Variants in SHC2 observed in about 807,000 individuals in gnomAD.
SHC2 encodes the protein SHC adaptor protein 2.
A neutral mutation model predicts 60.6 loss-of-function variants in SHC2; 62 were observed. The observed-to-expected ratio is 1.02, with a 90% CI of 0.83 to 1.26. The LOEUF is 1.26. SHC2 is among the 50% of genes most tolerant of loss of function. SHC2 has a pLI of 0.00. For synonymous variants in SHC2, 375 were observed against 372.4 expected, an observed-to-expected ratio of 1.01 and a Z score of -0.08; for missense variants, 873 against 822.2, an observed-to-expected ratio of 1.06 and a Z score of -0.76.
In SHC2 at chr19:419,124, G is replaced by A. The variant is rs954181023; in HGVS notation, c.1621-68C>T. The A allele has an allele frequency of 6.0e-5, 89 of 1,487,122 alleles. 1 individual carries two copies. The Admixed American group carries it at 8.3e-4, about 14-fold the overall frequency. The allele number at this position is 1,487,122 out of a possible 1,614,324, so 92.1% of individuals were successfully genotyped here. A position where few individuals can be genotyped will look rare whatever the true frequency, so the allele number is the denominator to read the frequency against. On this transcript the variant is annotated intron_variant, in intron 11 of 12. Transcript: ENST00000264554. ...TGGACCCGTGGAGTAGGATATTGGC[G>A]TTCTGGGGTCCTGCCGGGGAGCCCC...
intron 11 of SHC2, among the ~76,000 whole-genome samples, chr19:421,234 T>TA (rs1453526912): frequency 6.0e-5 from 9 of 150,854 alleles, no homozygotes; most frequent in East Asian, 2.0e-4. Context: ...CCATCTCCAC[T>TA]AAAAAAATAT....
In SHC2 at chr19:422,117, C is replaced by G. The variant is rs962922748; in HGVS notation, c.1620+29G>C. On this transcript the variant is annotated intron_variant, in intron 11 of 12. Coordinates refer to ENST00000264554, the MANE Select transcript of SHC2 (RefSeq NM_012435.3). This position sits in a 1 kb window ranked among gnomAD's most constrained non-coding sequence, Gnocchi z 5.0. ...TGCCCAGCGAAGCCCCTGGATGCCC[C>G]GAGACCCTCCCACCTGTGCACAGCT... 6.2e-6 allele frequency: 8 copies of G among 1,296,872 alleles called. No individual in the cohort carries two copies. Among genetic ancestry groups the G allele is most frequent in the Non-Finnish European group, 8.0e-6 (8 of 1,002,908 alleles). The allele number at this position is 1,296,872 out of a possible 1,614,324, so 80.3% of individuals were successfully genotyped here.
intron 1 of SHC2, among the ~76,000 whole-genome samples, chr19:458,625 G>C (rs1324524129): frequency 7.0e-6 from 1 of 142,396 alleles, no homozygotes; most frequent in Non-Finnish European, 1.6e-5. Context: ...GGCGGACGCG[G>C]GTTCCGGGGA....
chr19:426,973 G>C (rs1974431825), intron 9 of SHC2, among the ~76,000 whole-genome samples: 1 of 152,166 alleles, frequency 6.6e-6, no homozygotes, highest in South Asian at 2.1e-4. Flanking sequence ...ATCGGGAAGG[G>C]CATGAGTGCA....
At chr19:458,741 A>T (rs1465299305) in intron 1 of SHC2, among the ~76,000 whole-genome samples, 1 of 114,086 alleles carries the variant, frequency 8.8e-6, no homozygotes, top group Non-Finnish European at 1.8e-5. Flanking sequence ...GGTTCCGGGG[A>T]GGCGGAAGCG....
Position 460,675 on chromosome 19 carries a change from G to T in SHC2, c.322C>A (p.Arg108=). 9.5e-7 allele frequency: 1 copy of T among 1,054,314 alleles called. No individual in the cohort carries two copies. The highest frequency in any genetic ancestry group is 1.1e-6 in the Non-Finnish European group (1 of 879,868). 65.3% of individuals were successfully genotyped at this position (1,054,314 alleles called of 1,614,324 possible). ...RCRGAGSRGS[R]GGRGAAGSGD... ...GACCCCGCCGCCCCCCGCCCGCCCCGCGACCCCCGCGACCCCGCGCCCCGA... is the reference window on the plus strand; with the variant it reads ...GACCCCGCCGCCCCCCGCCCGCCCCTCGACCCCCGCGACCCCGCGCCCCGA... The change falls in exon 1 of 13, where the codon CGG becomes AGG. Residue 108 remains arginine, a synonymous_variant. Coordinates refer to ENST00000264554, the MANE Select transcript of SHC2 (RefSeq NM_012435.3).
At chr19:455,362 T>C (rs1253034437) in intron 1 of SHC2, among the ~76,000 whole-genome samples, 1 of 152,098 alleles carries the variant, frequency 6.6e-6, no homozygotes, top group Non-Finnish European at 1.5e-5. Context: ...GCCTCATCTA[T>C]AAAATGGGTG....
chr19:439,443 C>A (rs529842262), intron 2 of SHC2: 5 of 233,808 alleles, frequency 2.1e-5, no homozygotes, highest in Non-Finnish European at 4.2e-5. Context: ...CTGAGCCTGA[C>A]GCGGGGTCCG....
intron 9 of SHC2, among the ~76,000 whole-genome samples, chr19:429,719 G>A (rs1052281703): frequency 1.4e-5 from 2 of 145,320 alleles, no homozygotes; most frequent in African/African-American, 5.1e-5. Context: ...CTAACACCGT[G>A]TGGATGACGC....
chr19:444,241 C>G (rs147531386), intron 1 of SHC2, among the ~76,000 whole-genome samples: 115 of 152,142 alleles, frequency 7.6e-4, no homozygotes, highest in African/African-American at 2.6e-3. Context: ...CAGGTCATAC[C>G]TAAAGGAATT....
At position 441,484 on chromosome 19, in the gene SHC2, C is replaced by T. The variant is rs1210458802; in HGVS notation, c.469-552G>A. ...TACTGAGGGACGAGAGGGGCAGAGG[C>T]GTCCCACCGAGTCCCTGACCTGCTT... On this transcript the variant is annotated intron_variant, in intron 1 of 12. Coordinates refer to ENST00000264554, the MANE Select transcript of SHC2 (RefSeq NM_012435.3). The surrounding 1 kb of genome is among the most constrained non-coding windows in gnomAD (Gnocchi z 4.9). 1.3e-5 allele frequency among the ~76,000 whole-genome samples: 2 copies of T among 152,052 alleles called. No individual in the cohort carries two copies. The highest frequency in any genetic ancestry group is 2.9e-5 in the Non-Finnish European group (2 of 68,008).
In SHC2 at chr19:422,196, T is replaced by A. The variant is rs745585433; in HGVS notation, c.1570A>T (p.Met524Leu). Reference sequence around the variant, plus strand: ...AGGTGCTTGGGCTGCCCGGCGTGCATGCCGGTGAGGACATACTGCCCGGGG... The same window carrying A: ...AGGTGCTTGGGCTGCCCGGCGTGCAAGCCGGTGAGGACATACTGCCCGGGG... Reference protein sequence around the residue: ...TNPGQYVLTGMHAGQPKHLLL... With the variant: ...TNPGQYVLTGLHAGQPKHLLL... Residue 524 changes from methionine to leucine, a missense_variant, in exon 11 of 13, where the codon ATG becomes TTG. By Grantham distance (15) the Met-to-Leu change is conservative (BLOSUM62 2). Coordinates refer to ENST00000264554, the MANE Select transcript of SHC2 (RefSeq NM_012435.3). This position sits in a 1 kb window ranked among gnomAD's most constrained non-coding sequence, Gnocchi z 5.0. The A allele has an allele frequency of 1.2e-6, 2 of 1,612,552 alleles. No homozygotes were observed.
Position 425,163 on chromosome 19 carries a change from C to G in SHC2, c.1243G>C (p.Val415Leu). ...GPPDHEEHLY[V>L]NTQGLDAPEP... Reference sequence around the variant, plus strand: ...GGGGCGTCCAGACCCTGGGTGTTGACATACAGGTGCTCCTCGTGGTCCGGG... The same window carrying G: ...GGGGCGTCCAGACCCTGGGTGTTGAGATACAGGTGCTCCTCGTGGTCCGGG... Residue 415 changes from valine to leucine, a missense_variant, in exon 10 of 13, where the codon GTC (valine) becomes CTC (leucine). Val to Leu is a conservative substitution (Grantham distance 32, BLOSUM62 1). Coordinates refer to ENST00000264554, the MANE Select transcript of SHC2 (RefSeq NM_012435.3). The surrounding 1 kb of genome is among the most constrained non-coding windows in gnomAD (Gnocchi z 4.1). 7.3e-7 allele frequency: 1 copy of G among 1,365,906 alleles called. No individual in the cohort carries two copies. Among genetic ancestry groups the G allele is most frequent in the Non-Finnish European group, 9.5e-7 (1 of 1,050,756 alleles). The allele number at this position is 1,365,906 out of a possible 1,614,324, so 84.6% of individuals were successfully genotyped here.
rs1568294235 is a variant in SHC2 at position 445,037 on chromosome 19, A to C, written c.469-4105T>G. Among the ~76,000 whole-genome samples the C allele has an allele frequency of 6.6e-6, 1 of 152,136 alleles. No homozygotes were observed. Among genetic ancestry groups the C allele is most frequent in the African/African-American group, 2.4e-5 (1 of 41,434 alleles). On this transcript the variant is annotated intron_variant, in intron 1 of 12. Coordinates refer to ENST00000264554, the MANE Select transcript of SHC2 (RefSeq NM_012435.3). This position sits in a 1 kb window ranked among gnomAD's most constrained non-coding sequence, Gnocchi z 4.4. The stretch of plus-strand genomic sequence containing the variant: ...CCCTGCACGACGGGAAGAGGCGGGG[A>C]CCTCAGCTCACTGCATGTCCCACGC...
At chr19:458,735 C>T (rs567779214) in intron 1 of SHC2, among the ~76,000 whole-genome samples, 2 of 141,442 alleles carry the variant, frequency 1.4e-5, no homozygotes, top group Non-Finnish European at 3.1e-5. Context: ...GAAGTGGGTT[C>T]CGGGGAGGCG....
chr19:430,808 C>T, intron 8 of SHC2, 61 bp from the exon 9 acceptor site: 4 of 1,482,638 alleles, frequency 2.7e-6, no homozygotes, highest in Non-Finnish European at 3.7e-6. Context: ...TGGCTCTGGA[C>T]CCCCAGTCTC....
chr19:458,610 A>G (rs866060720), intron 1 of SHC2, among the ~76,000 whole-genome samples: 1,029 of 13,184 alleles, frequency 0.078, 45 homozygotes, highest in African/African-American at 0.18. Context: ...AGTGGGTTCC[A>G]GGGAGGCGGA....
At chr19:439,150 A>C in intron 2 of SHC2, 120 bp from the exon 3 acceptor site, 1 of 215,876 alleles carries the variant, frequency 4.6e-6, no homozygotes, top group East Asian at 1.3e-4. Flanking sequence ...GAGAAGGGCG[A>C]GAGAGAGGGG....
chr19:451,193 C>T (rs568821896), intron 1 of SHC2, among the ~76,000 whole-genome samples: 95 of 133,334 alleles, frequency 7.1e-4, no homozygotes, highest in African/African-American at 2.5e-3. Flanking sequence ...ACCATAGCCA[C>T]GTCATATTTC....
Sources: gnomAD v4.1 joint callset for allele counts (sites outside exome capture counted in the v4.1 genomes callset) on GRCh38, gnomAD v4.1.1 for gene constraint, Gnocchi (gnomAD v3.1) non-coding constraint, MANE v1.5 for transcripts, NCBI Gene and HGNC (gene_info 2026-07-23, HGNC 2026-07-21) for gene names.